Variants in RSRP1 observed in about 807,000 individuals in gnomAD.
RSRP1 encodes arginine and serine rich protein 1, also known as arginine/serine-rich protein 1.
RSRP1 carries 37 observed loss-of-function variants against 33.0 expected under a neutral mutation model. The ratio of observed to expected loss-of-function variants is 1.12; its 90% confidence interval spans 0.86 to 1.48. The LOEUF (loss-of-function observed/expected upper bound fraction) is 1.48, where lower values mean the gene tolerates loss of function less well. Among genes scored for constraint, RSRP1 ranks in the 40% most tolerant of loss-of-function variants. The probability of loss-of-function intolerance (pLI) is 0.00; values close to 1 mark genes in which losing one functional copy is unlikely to be tolerated. For missense variants in RSRP1, 402 were observed against 385.3 expected (o/e 1.04, Z -0.36); for synonymous variants, 167 against 158.7 (o/e 1.05, Z -0.40).
chr1:25,316,393 G>T (rs1195705545), intron 1 of RSRP1, among the ~76,000 whole-genome samples: 1 of 129,280 alleles, frequency 7.7e-6, no homozygotes, highest in African/African-American at 2.7e-5. Flanking sequence ...GCCGAGGCGG[G>T]CAGATCACTT....
chr1:25,252,845 ATAG>A (rs905581481), intron 1 of RSRP1, among the ~76,000 whole-genome samples: 1 of 149,902 alleles, frequency 6.7e-6, no homozygotes, highest in African/African-American at 2.5e-5. Context: ...TGACCTTTTT[ATAG>A]TATTCTTTTT....
At chr1:25,244,546 A>G (rs1639186380) in intron 3 of RSRP1, 1 of 1,288,664 alleles carries the variant, frequency 7.8e-7, no homozygotes, top group Non-Finnish European at 1.0e-6. Context: ...TATGCTGAGT[A>G]CAGAATTTGT....
chr1:25,259,217 C>A (rs571424187), intron 1 of RSRP1, among the ~76,000 whole-genome samples: 2 of 152,180 alleles, frequency 1.3e-5, no homozygotes, highest in Non-Finnish European at 2.9e-5. Context: ...CCTCAGCCTC[C>A]GAAGTAGCTG....
chr1:25,247,667 C>T (rs1272178818), upstream of RSRP1: 1 of 152,264 alleles, frequency 6.6e-6, no homozygotes. Context: ...ATCAGGGTGT[C>T]CCGTTGCCCT....
intron 1 of RSRP1, among the ~76,000 whole-genome samples, chr1:25,296,371 C>A (rs1240193858): frequency 1.6e-5 from 2 of 123,422 alleles, no homozygotes; most frequent in Admixed American, 1.6e-4. Flanking sequence ...CTCACCCTCC[C>A]GAGTAGCTGG....
chr1:25,332,516 A>T lies in RSRP1; in HGVS notation c.-67+5462T>A, dbSNP rs533748725. Among the ~76,000 whole-genome samples the T allele has an allele frequency of 3.1e-4, 39 of 124,192 alleles. 6 individuals are homozygous for T. The highest frequency in any genetic ancestry group is 5.9e-4 in the East Asian group (3 of 5,088). 81.5% of individuals were successfully genotyped at this position (124,192 alleles called of 152,430 possible). On this transcript the variant is annotated intron_variant, in intron 1 of 1. Transcript: ENST00000561867. ...TAGTCTGACTAAACCATTAGAAATT[A>T]AAAAAAAATGGCTACTTTCAAAGAC...
In RSRP1 at chr1:25,273,762, G is replaced by C. The variant is rs192162872; in HGVS notation, c.-66-26733C>G. Among the ~76,000 whole-genome samples, 22 of 130,826 alleles carry C rather than the reference G, an allele frequency of 1.7e-4. 5 individuals are homozygous for C. In the East Asian group the frequency reaches 4.3e-3, roughly 26 times the overall value. 85.8% of individuals were successfully genotyped at this position (130,826 alleles called of 152,430 possible). A position where few individuals can be genotyped will look rare whatever the true frequency, so the allele number is the denominator to read the frequency against. On this transcript the variant is annotated intron_variant, in intron 1 of 1. Transcript: ENST00000561867. ...GTGGGCTGATAGGTTGTTGATAATA[G>C]ACAGGGCCTCCTTGAAGAATGTCCC...
At position 25,278,987 on chromosome 1, in the gene RSRP1, G is replaced by T. The variant is rs564084745; in HGVS notation, c.-66-31958C>A. On this transcript the variant is annotated intron_variant, in intron 1 of 1. Transcript: ENST00000561867. ...CTAGAGCCTGGGAGAGTGAAGCTGG[G>T]TGTGACTTCAGAGCTGTTGGTGCTG... is the stretch of plus-strand genomic sequence containing the variant. Among the ~76,000 whole-genome samples, 31 of 129,754 alleles carry T rather than the reference G, an allele frequency of 2.4e-4. No individual in the cohort carries two copies. In the East Asian group the frequency reaches 5.1e-3, roughly 21 times the overall value. 85.1% of individuals were successfully genotyped at this position (129,754 alleles called of 152,430 possible).
rs1367266488 is a variant in RSRP1 at position 25,307,044 on chromosome 1, G to A, written c.-67+30934C>T. ...GCCAATTGAGACTGTGGTTCAGGTC[G>A]TGATGCAGAGCTTTGCTGTGGACGT... On this transcript the variant is annotated intron_variant, in intron 1 of 1. Coordinates refer to the RSRP1 transcript ENST00000561867. 6.1e-5 allele frequency: 21 copies of A among 342,104 alleles called. 8 individuals carry two copies. The highest frequency in any genetic ancestry group is 1.5e-4 in the South Asian group (7 of 45,982). The allele number at this position is 342,104 out of a possible 1,614,324, so 21.2% of individuals were successfully genotyped here.
intron 3 of RSRP1, 132 bp from the exon 4 acceptor site, chr1:25,243,765 A>C: frequency 1.4e-6 from 2 of 1,440,876 alleles, no homozygotes; most frequent in South Asian, 2.9e-5. Flanking sequence ...TAACAGCCTA[A>C]GTAACAGAAC....
intron 4 of RSRP1, among the ~76,000 whole-genome samples, chr1:25,242,951 G>A (rs547249510): frequency 4.6e-5 from 7 of 152,130 alleles, no homozygotes; most frequent in Non-Finnish European, 8.8e-5. Flanking sequence ...TTAGCCGGGC[G>A]TGGTGGCATG....
At chr1:25,253,628 G>A (rs1345208572) in intron 1 of RSRP1, 1 of 152,288 alleles carries the variant, frequency 6.6e-6, no homozygotes, top group African/African-American at 2.4e-5. Context: ...CCAAAGTGCT[G>A]GGATTACAGG....
chr1:25,285,342 C>T (rs1278379618), intron 1 of RSRP1, among the ~76,000 whole-genome samples: 1 of 134,050 alleles, frequency 7.5e-6, no homozygotes, highest in East Asian at 1.9e-4. Flanking sequence ...CCGTGTTGGT[C>T]AGGCTAGTCT....
intron 1 of RSRP1, among the ~76,000 whole-genome samples, chr1:25,271,800 G>A (rs1481025270): frequency 7.6e-6 from 1 of 131,252 alleles, no homozygotes; most frequent in African/African-American, 2.6e-5. Context: ...GTCCTGGGCT[G>A]CCCTGTGAGG....
rs375127917 is a variant in RSRP1 at position 25,269,466 on chromosome 1, T to G, written c.-66-22437A>C. 4.3e-4 allele frequency among the ~76,000 whole-genome samples: 57 copies of G among 132,980 alleles called. 4 individuals are homozygous for G. The East Asian group carries it at 7.8e-3, about 18-fold the overall frequency. 87.2% of individuals were successfully genotyped at this position (132,980 alleles called of 152,430 possible). ...AACAGCAGGTGCACAGAGTGCTTTT[T>G]TCCCAGCATTTTATTATGAAAAATT... On this transcript the variant is annotated intron_variant, in intron 1 of 1. Coordinates refer to the RSRP1 transcript ENST00000561867.
intron 3 of RSRP1, chr1:25,244,131 A>G: frequency 1.6e-6 from 2 of 1,284,946 alleles, no homozygotes; most frequent in South Asian, 1.2e-5. Context: ...GTACAGTGCA[A>G]TTTGCTAATG....
intron 1 of RSRP1, among the ~76,000 whole-genome samples, chr1:25,271,482 C>A (rs1355493612): frequency 2.3e-5 from 3 of 132,298 alleles, no homozygotes; most frequent in African/African-American, 7.8e-5. Flanking sequence ...AGTTTACACT[C>A]AGTGGCCAGT....
intron 1 of RSRP1, among the ~76,000 whole-genome samples, chr1:25,270,601 G>A (rs1206935244): frequency 2.3e-5 from 3 of 132,048 alleles, no homozygotes; most frequent in African/African-American, 7.8e-5. Flanking sequence ...TACAAAACCC[G>A]TCCCTGGTGC....
intron 1 of RSRP1, among the ~76,000 whole-genome samples, chr1:25,252,501 G>T (rs904742770): frequency 6.6e-6 from 1 of 151,674 alleles, no homozygotes; most frequent in African/African-American, 2.4e-5. Flanking sequence ...GAGAGGTCTC[G>T]TGGAGCTTCA....
Sources: allele counts gnomAD v4.1 joint callset (sites outside exome capture counted in the v4.1 genomes callset), GRCh38; gene constraint gnomAD v4.1.1; transcripts MANE v1.5; gene names NCBI Gene and HGNC (gene_info 2026-07-23, HGNC 2026-07-21).